Variants in ANK1 observed in about 807,000 individuals in gnomAD.
ANK1 encodes the protein ankyrin-1.
Under a neutral mutation model 210.4 loss-of-function variants are expected in ANK1, and 51 were observed. That is an observed-to-expected ratio of 0.24 (90% confidence interval 0.19 to 0.31). The LOEUF (loss-of-function observed/expected upper bound fraction) is 0.31. ANK1 is among the 10% of genes least tolerant of loss of function. The pLI is 1.00. For missense variants in ANK1, 2,051 were observed against 2,504.4 expected (o/e 0.82, Z 3.86); for synonymous variants, 967 against 1,025.9 (o/e 0.94, Z 1.10).
At chr8:41,890,098 A>G (rs1819134721) in intron 1 of ANK1, among the ~76,000 whole-genome samples, 1 of 152,260 alleles carries the variant, frequency 6.6e-6, no homozygotes. Context: ...TATTAGAAAG[A>G]ATAACTTTAT....
chr8:41,857,764 TATG>T (rs1315111114), intron 1 of ANK1, among the ~76,000 whole-genome samples: 1 of 137,334 alleles, frequency 7.3e-6, no homozygotes. Flanking sequence ...GTTGGCCAGG[TATG>T]GTGGCGCATG....
intron 1 of ANK1, among the ~76,000 whole-genome samples, chr8:41,817,089 GTTTC>G (rs1803468185): frequency 6.6e-6 from 1 of 151,524 alleles, no homozygotes; most frequent in African/African-American, 2.4e-5. Flanking sequence ...TTTCCAAATA[GTTTC>G]TTTTTTTTTT....
chr8:41,793,929 GA>G, intron 1 of ANK1, among the ~76,000 whole-genome samples: 1 of 152,322 alleles, frequency 6.6e-6, no homozygotes, highest in African/African-American at 2.4e-5. Flanking sequence ...GTATAGCCAT[GA>G]AATATGTCAT....
At chr8:41,838,729 C>T (rs577690660) in intron 1 of ANK1, among the ~76,000 whole-genome samples, 35 of 150,738 alleles carry the variant, frequency 2.3e-4, no homozygotes, top group African/African-American at 8.4e-4. Flanking sequence ...CGTACCATTG[C>T]ACTCCAGCCT....
At chr8:41,887,457 C>T (rs911390644) in intron 1 of ANK1, among the ~76,000 whole-genome samples, 16 of 152,198 alleles carry the variant, frequency 1.1e-4, no homozygotes, top group African/African-American at 3.9e-4. Context: ...CAGGGTCTTG[C>T]TGTGTTGCCC....
At chr8:41,743,457 C>T (rs187085623) in intron 2 of ANK1, among the ~76,000 whole-genome samples, 39 of 152,294 alleles carry the variant, frequency 2.6e-4, no homozygotes, top group Admixed American at 1.8e-3. Context: ...AAAACAGAAA[C>T]GAAATCAAAG....
chr8:41,696,089 T>C (rs145658296), intron 26 of ANK1, among the ~76,000 whole-genome samples: 1 of 152,380 alleles, frequency 6.6e-6, no homozygotes, highest in East Asian at 1.9e-4. Context: ...GGGGTCTTGC[T>C]ATGTTTTCCA....
intron 24 of ANK1, 82 bp downstream of exon 24, chr8:41,697,961 G>A (rs373792245): frequency 1.7e-5 from 23 of 1,351,490 alleles, no homozygotes; most frequent in African/African-American, 1.4e-4. Context: ...ATTGTGCTAC[G>A]TACAGGCCAC....
At chr8:41,856,228 AT>A (rs1276034575) in intron 1 of ANK1, among the ~76,000 whole-genome samples, 1 of 152,176 alleles carries the variant, frequency 6.6e-6, no homozygotes, top group Non-Finnish European at 1.5e-5. Flanking sequence ...CTTGAGAGCT[AT>A]TTGTAGAGTC....
intron 1 of ANK1, among the ~76,000 whole-genome samples, chr8:41,831,941 C>T (rs919113839): frequency 2.0e-5 from 3 of 152,132 alleles, no homozygotes; most frequent in African/African-American, 4.8e-5. Context: ...ACTATATGAT[C>T]CCATTTAGGA....
chr8:41,704,788 G>A lies in ANK1; in HGVS notation c.2098-316C>T, dbSNP rs757998392. 2.9e-4 allele frequency among the ~76,000 whole-genome samples: 44 copies of A among 152,280 alleles called. No individual in the cohort carries two copies. The highest frequency in any genetic ancestry group is 6.3e-4 in the Non-Finnish European group (43 of 68,022). ...GGTCCCCCAGAATAAAGTGGAGGGT[G>A]AAAAGTGGGGCCGAAGGAGTGAGGC... On this transcript the variant is annotated intron_variant, in intron 18 of 42. Transcript: ENST00000289734. The surrounding 1 kb of genome is among the most constrained non-coding windows in gnomAD (Gnocchi z 4.1).
In ANK1 at chr8:41,655,442, C is replaced by T; in HGVS notation, c.*348G>A. 2 of 396,122 alleles carry T rather than the reference C, an allele frequency of 5.0e-6. No homozygotes were observed. The allele number at this position is 396,122 out of a possible 1,614,324, so 24.5% of individuals were successfully genotyped here. ...AACCCATCCCCAGCCACAAAAAGCC[C>T]TCATTCACTTTTGCGTTCGCAGGCT... On this transcript the variant is annotated 3_prime_UTR_variant, in exon 43 of 43. Coordinates refer to ENST00000289734, the MANE Select transcript of ANK1 (RefSeq NM_000037.4).
At chr8:41,765,150 TCTTC>T (rs1665918491) in intron 1 of ANK1, among the ~76,000 whole-genome samples, 1 of 149,606 alleles carries the variant, frequency 6.7e-6, no homozygotes, top group African/African-American at 2.5e-5. Flanking sequence ...TCTCTTTCCT[TCTTC>T]CTTCCTTTCC....
chr8:41,788,766 A>T (rs774102896), intron 1 of ANK1: 1 of 152,184 alleles, frequency 6.6e-6, no homozygotes, highest in Non-Finnish European at 1.5e-5. Context: ...GCCCTGCCAG[A>T]TGGGGGCTTT....
intron 1 of ANK1, among the ~76,000 whole-genome samples, chr8:41,887,161 G>T (rs1161183366): frequency 6.6e-6 from 1 of 151,786 alleles, no homozygotes; most frequent in African/African-American, 2.4e-5. Context: ...GACAGGTGGG[G>T]CGTCCTCTGC....
chr8:41,733,421 T>C (rs993022592), intron 3 of ANK1, among the ~76,000 whole-genome samples: 2 of 152,230 alleles, frequency 1.3e-5, no homozygotes, highest in Non-Finnish European at 2.9e-5. Flanking sequence ...CAGGAATCAG[T>C]AATCAATTAA....
At chr8:41,701,825 A>G (rs942204662) in intron 21 of ANK1, among the ~76,000 whole-genome samples, 6 of 152,088 alleles carry the variant, frequency 3.9e-5, no homozygotes, top group African/African-American at 1.4e-4. Flanking sequence ...CCCAAACCCC[A>G]TCCACTCCAC....
In ANK1 at chr8:41,686,234, T is replaced by G. The variant is rs1817649743; in HGVS notation, c.4308A>C (p.Arg1436=). ...QFSVEDINRI[R]VENPNSLLEQ... ...CCAACAGGGAGTTGGGATTTTCCACTCGGATCCTGTTGATGTCTTCCACAC... is the reference window on the plus strand; with the variant it reads ...CCAACAGGGAGTTGGGATTTTCCACGCGGATCCTGTTGATGTCTTCCACAC... Residue 1436 remains arginine (R), a synonymous_variant, in exon 36 of 43, where the codon CGA becomes CGC. Coordinates refer to ENST00000289734, the MANE Select transcript of ANK1 (RefSeq NM_000037.4). The G allele has an allele frequency of 5.0e-6, 8 of 1,614,100 alleles. No individual in the cohort carries two copies. The highest frequency in any genetic ancestry group is 6.8e-6 in the Non-Finnish European group (8 of 1,180,040).
intron 1 of ANK1, among the ~76,000 whole-genome samples, chr8:41,859,447 A>G (rs1812851544): frequency 6.6e-6 from 1 of 152,214 alleles, no homozygotes; most frequent in African/African-American, 2.4e-5. Context: ...CCCGGGTTCA[A>G]GTGATTCTCT....
Sources: gnomAD v4.1 joint callset for allele counts (sites outside exome capture counted in the v4.1 genomes callset) on GRCh38, gnomAD v4.1.1 for gene constraint, Gnocchi (gnomAD v3.1) non-coding constraint, MANE v1.5 for transcripts, NCBI Gene and HGNC (gene_info 2026-07-23, HGNC 2026-07-21) for gene names.